Variants in ETV1 observed in about 807,000 individuals in gnomAD.
The protein encoded by ETV1 is ETS variant transcription factor 1.
ETV1 carries 27 observed loss-of-function variants against 62.3 expected under a neutral mutation model. The observed-to-expected ratio is 0.43, with a 90% CI of 0.32 to 0.60. The LOEUF (loss-of-function observed/expected upper bound fraction) is 0.60. ETV1 is among the 20% of genes least tolerant of loss of function. The pLI is 0.06. For synonymous variants in ETV1, 222 were observed against 199.6 expected, an observed-to-expected ratio of 1.11 and a Z score of -0.94; for missense variants, 605 against 605.8, an observed-to-expected ratio of 1.00 and a Z score of 0.01.
At chr7:13,974,216 CA>C (rs1024833061) in intron 6 of ETV1, among the ~76,000 whole-genome samples, 5 of 152,022 alleles carry the variant, frequency 3.3e-5, no homozygotes, top group Admixed American at 2.6e-4. Context: ...GATTGCAAAA[CA>C]AAAATGAAAA....
At chr7:13,972,034 C>T (rs992319888) in intron 6 of ETV1, among the ~76,000 whole-genome samples, 3 of 151,888 alleles carry the variant, frequency 2.0e-5, no homozygotes, top group East Asian at 1.9e-4. Context: ...CACTTGAATC[C>T]GGGAGGCAGG....
intron 5 of ETV1, 200 bp downstream of exon 5, chr7:13,986,438 A>C: frequency 6.7e-7 from 1 of 1,491,770 alleles, no homozygotes; most frequent in Non-Finnish European, 8.9e-7. Context: ...TCTCCTGGTA[A>C]TTTGTGATGA....
At chr7:13,917,792 G>A (rs886925203) in intron 9 of ETV1, among the ~76,000 whole-genome samples, 11 of 151,706 alleles carry the variant, frequency 7.3e-5, no homozygotes, top group Non-Finnish European at 1.6e-4. Flanking sequence ...GTGAAACCCC[G>A]TCTCTACTGA....
chr7:13,950,947 C>T (rs894284121), intron 6 of ETV1, among the ~76,000 whole-genome samples: 49 of 138,412 alleles, frequency 3.5e-4, no homozygotes, highest in African/African-American at 1.3e-3. Context: ...CACACAATAT[C>T]GAGCAATACT....
intron 6 of ETV1, chr7:13,975,194 C>G (rs1452378995): frequency 6.6e-6 from 1 of 152,234 alleles, no homozygotes; most frequent in African/African-American, 2.4e-5. Context: ...GACACTGTAT[C>G]AGGTGGCACA....
intron 6 of ETV1, among the ~76,000 whole-genome samples, chr7:13,943,828 C>T (rs1787841877): frequency 6.6e-6 from 1 of 152,078 alleles, no homozygotes; most frequent in Middle Eastern, 3.4e-3. Flanking sequence ...AAACTATGCA[C>T]TTCAGATTTT....
intron 6 of ETV1, among the ~76,000 whole-genome samples, chr7:13,948,529 C>A (rs540213281): frequency 2.4e-4 from 37 of 152,136 alleles, no homozygotes; most frequent in Non-Finnish European, 4.9e-4. Context: ...CAGAGGCTGG[C>A]AAATTACAGC....
intron 9 of ETV1, among the ~76,000 whole-genome samples, chr7:13,931,232 T>C (rs1199820489): frequency 1.3e-5 from 2 of 152,236 alleles, no homozygotes; most frequent in Non-Finnish European, 2.9e-5. Context: ...GCAATGTCCC[T>C]CTCGAGCTGA....
At chr7:13,938,051 T>G (rs910668089) in intron 7 of ETV1, among the ~76,000 whole-genome samples, 1 of 152,198 alleles carries the variant, frequency 6.6e-6, no homozygotes, top group African/African-American at 2.4e-5. Flanking sequence ...GTTCAAGCGA[T>G]TCTCCTGCCT....
At chr7:13,944,256 G>A (rs1315855645) in intron 6 of ETV1, among the ~76,000 whole-genome samples, 1 of 152,168 alleles carries the variant, frequency 6.6e-6, no homozygotes, top group Non-Finnish European at 1.5e-5. Flanking sequence ...AGACCGTATG[G>A]TTTATAAACA....
intron 10 of ETV1, among the ~76,000 whole-genome samples, 200 bp downstream of exon 10, chr7:13,911,039 G>A (rs879038537): frequency 2.0e-5 from 3 of 152,154 alleles, no homozygotes; most frequent in South Asian, 4.1e-4. Flanking sequence ...TTGTTTCTAC[G>A]CATATGACTC....
At chr7:13,964,076 G>T (rs919787924) in intron 6 of ETV1, among the ~76,000 whole-genome samples, 1 of 152,162 alleles carries the variant, frequency 6.6e-6, no homozygotes, top group Non-Finnish European at 1.5e-5. Flanking sequence ...ACAGACCCGT[G>T]AGTTGAGACA....
At chr7:13,971,156 A>T (rs1047812183) in intron 6 of ETV1, among the ~76,000 whole-genome samples, 1 of 152,042 alleles carries the variant, frequency 6.6e-6, no homozygotes, top group East Asian at 1.9e-4. Flanking sequence ...GTTTTAGTAG[A>T]GACGGGGTTT....
At chr7:13,899,743 T>G (rs781456434) in intron 13 of ETV1, among the ~76,000 whole-genome samples, 1 of 152,146 alleles carries the variant, frequency 6.6e-6, no homozygotes, top group Non-Finnish European at 1.5e-5. Flanking sequence ...AATATCCACG[T>G]TTTATCTTCA....
chr7:13,961,016 C>T lies in ETV1; in HGVS notation c.235+16411G>A, dbSNP rs1036302321. ...ATTTAAAAATAGCTGGGCATGGTAGCGCACACCGGAGTCCCAGCTACTCAA... is the reference window on the plus strand; with the variant it reads ...ATTTAAAAATAGCTGGGCATGGTAGTGCACACCGGAGTCCCAGCTACTCAA... On this transcript the variant is annotated intron_variant, in intron 6 of 13. Transcript: ENST00000430479. 1.5e-4 allele frequency among the ~76,000 whole-genome samples: 23 copies of T among 152,092 alleles called. No individual in the cohort carries two copies. The East Asian group carries it at 2.1e-3, about 14-fold the overall frequency.
chr7:13,954,386 G>A (rs1463294914), intron 6 of ETV1, among the ~76,000 whole-genome samples: 1 of 152,052 alleles, frequency 6.6e-6, no homozygotes, highest in African/African-American at 2.4e-5. Flanking sequence ...AATGGTACAT[G>A]GCTTACAAAG....
intron 13 of ETV1, among the ~76,000 whole-genome samples, chr7:13,898,960 A>G (rs1473939424): frequency 6.6e-6 from 1 of 152,180 alleles, no homozygotes; most frequent in Non-Finnish European, 1.5e-5. Flanking sequence ...GCCAGTTACA[A>G]TGTAAAGTAT....
Position 13,895,237 on chromosome 7 carries a change from G to A in ETV1, c.*629C>T, listed in dbSNP as rs556969853. On this transcript the variant is annotated 3_prime_UTR_variant, in exon 14 of 14. Coordinates refer to ENST00000430479, the MANE Select transcript of ETV1 (RefSeq NM_004956.5). Reference sequence around the variant, plus strand: ...GTCATGGTGATTATTCAACTTCAGAGAGAATTACCCATTTTATGGTTATCC... The same window carrying A: ...GTCATGGTGATTATTCAACTTCAGAAAGAATTACCCATTTTATGGTTATCC... 4.3e-6 allele frequency: 1 copy of A among 233,630 alleles called. No individual in the cohort carries two copies. Among genetic ancestry groups the A allele is most frequent in the South Asian group, 1.8e-4 (1 of 5,530 alleles). The allele number at this position is 233,630 out of a possible 1,614,324, so 14.5% of individuals were successfully genotyped here.
At chr7:13,978,289 A>AT (rs933176145) in intron 5 of ETV1, among the ~76,000 whole-genome samples, 1 of 152,096 alleles carries the variant, frequency 6.6e-6, no homozygotes, top group African/African-American at 2.4e-5. Context: ...ACACAAGTGC[A>AT]TTTTTCACTT....
Sources: gnomAD v4.1 joint callset for allele counts (sites outside exome capture counted in the v4.1 genomes callset) on GRCh38, gnomAD v4.1.1 for gene constraint, MANE v1.5 for transcripts, NCBI Gene and HGNC (gene_info 2026-07-23, HGNC 2026-07-21) for gene names.